COL27A1: variants seen among roughly 807,000 people sequenced by gnomAD.
COL27A1 encodes collagen alpha-1(XXVII) chain.
In COL27A1, 106 loss-of-function variants were observed where a neutral mutation model predicts 251.3. The ratio of observed to expected loss-of-function variants is 0.42; its 90% CI spans 0.36 to 0.50. The LOEUF (loss-of-function observed/expected upper bound fraction) is 0.50. Among genes scored for constraint, COL27A1 ranks in the 20% least tolerant of loss-of-function variants. The pLI, the probability that COL27A1 is intolerant of heterozygous loss-of-function variation, is 0.00. For missense variants in COL27A1, 2,325 were observed against 2,522.8 expected (o/e 0.92, Z 1.68); for synonymous variants, 1,000 against 986.3 (o/e 1.01, Z -0.26).
intron 7 of COL27A1, among the ~76,000 whole-genome samples, chr9:114,202,302 C>T (rs1829633477): frequency 6.6e-6 from 1 of 152,180 alleles, no homozygotes; most frequent in Non-Finnish European, 1.5e-5. Context: ...TGGTGATGGC[C>T]AAGGGCCCCC....
chr9:114,201,397 C>G (rs763057148), intron 7 of COL27A1, among the ~76,000 whole-genome samples: 1 of 152,170 alleles, frequency 6.6e-6, no homozygotes, highest in African/African-American at 2.4e-5. Flanking sequence ...TTTGCTGGCC[C>G]CAGCTGGTAA....
chr9:114,268,049 C>A (rs756747047), intron 34 of COL27A1, among the ~76,000 whole-genome samples: 5 of 152,238 alleles, frequency 3.3e-5, no homozygotes, highest in African/African-American at 1.2e-4. Context: ...CCAGTCACCC[C>A]CTTCCATGCC....
At chr9:114,207,597 C>T (rs1830056356) in intron 10 of COL27A1, among the ~76,000 whole-genome samples, 1 of 152,228 alleles carries the variant, frequency 6.6e-6, no homozygotes, top group African/African-American at 2.4e-5. Context: ...CTGGCCCCAG[C>T]ACTCCTGTCT....
intron 49 of COL27A1, among the ~76,000 whole-genome samples, chr9:114,295,502 A>G (rs1828202224): frequency 6.6e-6 from 1 of 152,268 alleles, no homozygotes; most frequent in African/African-American, 2.4e-5. Context: ...AGAGAAGAGC[A>G]AAGTTGGCAG....
chr9:114,258,640 C>G (rs1834112508), intron 28 of COL27A1, 46 bp downstream of exon 28: 1 of 1,591,442 alleles, frequency 6.3e-7, no homozygotes, highest in South Asian at 1.1e-5. Flanking sequence ...TGGGAGGGGG[C>G]ACACTTGGAA....
At chr9:114,201,345 G>A (rs543529491) in intron 7 of COL27A1, among the ~76,000 whole-genome samples, 2 of 152,348 alleles carry the variant, frequency 1.3e-5, no homozygotes, top group South Asian at 4.1e-4. Flanking sequence ...CAAGATAATG[G>A]TTTAGATTCT....
rs1170009768 is a variant in COL27A1, at chr9:114,271,945, GCACCCCC to G, written c.3609+1165_3609+1171del. ...CTCACATTTTCTTGCAAGAGCGAGA[GCACCCCC>G]TGTCTGTCATCTGCCTGACTCCTCT... is the stretch of plus-strand genomic sequence containing the variant. On this transcript the variant is annotated intron_variant, in intron 36 of 60. Coordinates refer to ENST00000356083, the MANE Select transcript of COL27A1 (RefSeq NM_032888.4). 2.0e-5 allele frequency: 3 copies of G among 152,216 alleles called. No homozygotes were observed. In the East Asian group the frequency reaches 5.8e-4, roughly 30 times the overall value. 9.4% of individuals were successfully genotyped at this position (152,216 alleles called of 1,614,324 possible).
At chr9:114,297,895 A>G (rs78486642) in intron 49 of COL27A1, among the ~76,000 whole-genome samples, 2,406 of 152,340 alleles carry the variant, frequency 0.016, 76 homozygotes, top group African/African-American at 0.055. Flanking sequence ...TAACATACAA[A>G]CATCAATTAT....
intron 43 of COL27A1, 56 bp downstream of exon 43, chr9:114,288,811 G>T: frequency 6.2e-7 from 1 of 1,600,886 alleles, no homozygotes; most frequent in Non-Finnish European, 8.6e-7. Context: ...GGAGAGGGGG[G>T]ATGACACATG....
intron 17 of COL27A1, 25 bp downstream of exon 17, chr9:114,235,677 C>T (rs756344055): frequency 6.6e-7 from 1 of 1,505,406 alleles, no homozygotes; most frequent in South Asian, 1.1e-5. Flanking sequence ...TTTTCCCCTC[C>T]CCCTGCCCCT....
At chr9:114,285,120 T>G (rs1827371551) in intron 41 of COL27A1, among the ~76,000 whole-genome samples, 1 of 152,214 alleles carries the variant, frequency 6.6e-6, no homozygotes, top group South Asian at 2.1e-4. Flanking sequence ...GACATGGGAA[T>G]TGAAGTCTTG....
chr9:114,203,373 C>A (rs1047825634), intron 7 of COL27A1, among the ~76,000 whole-genome samples: 1 of 152,190 alleles, frequency 6.6e-6, no homozygotes, highest in African/African-American at 2.4e-5. Flanking sequence ...GCCATCCCTG[C>A]TCCAACTTTG....
At chr9:114,198,564 C>T (rs1829324053) in intron 7 of COL27A1, among the ~76,000 whole-genome samples, 1 of 152,196 alleles carries the variant, frequency 6.6e-6, no homozygotes. Context: ...ATGGAAATAC[C>T]TTCCATGGGT....
chr9:114,297,098 G>C (rs1344656943), intron 49 of COL27A1, among the ~76,000 whole-genome samples: 1 of 152,176 alleles, frequency 6.6e-6, no homozygotes. Flanking sequence ...AAAGTTTCTG[G>C]GGCTATGGGA....
chr9:114,185,335 T>C (rs982519135), intron 5 of COL27A1, among the ~76,000 whole-genome samples: 1 of 152,226 alleles, frequency 6.6e-6, no homozygotes, highest in African/African-American at 2.4e-5. Context: ...CATTGGGACT[T>C]GCATAAAATG....
intron 28 of COL27A1, among the ~76,000 whole-genome samples, chr9:114,263,063 T>C (rs1297957166): frequency 1.3e-5 from 2 of 149,366 alleles, no homozygotes; most frequent in Admixed American, 6.8e-5. Flanking sequence ...TTCAGCCGCC[T>C]GAGTAGCTGG....
chr9:114,178,769 G>T (rs149782470), intron 4 of COL27A1, among the ~76,000 whole-genome samples: 1,735 of 152,270 alleles, frequency 0.011, 47 homozygotes, highest in African/African-American at 0.04. Context: ...ATGCGGGGAG[G>T]AGTTGAGTTC....
At chr9:114,206,166 G>A in intron 9 of COL27A1, 86 bp from the exon 10 acceptor site, 2 of 1,291,594 alleles carry the variant, frequency 1.5e-6, no homozygotes, top group East Asian at 2.3e-5. Flanking sequence ...AGCAGCAGAG[G>A]CCCCAAAGAG....
intron 23 of COL27A1, among the ~76,000 whole-genome samples, chr9:114,244,528 GT>G (rs1832980655): frequency 1.3e-5 from 2 of 152,202 alleles, no homozygotes; most frequent in African/African-American, 4.8e-5. Flanking sequence ...AGATTGTCGG[GT>G]CAAGTTTACA....
Sources: gnomAD v4.1 joint callset for allele counts (sites outside exome capture counted in the v4.1 genomes callset) on GRCh38, gnomAD v4.1.1 for gene constraint, MANE v1.5 for transcripts, NCBI Gene and HGNC (gene_info 2026-07-23, HGNC 2026-07-21) for gene names.